The following CADPS variants were observed in gnomAD, a reference collection of about 807,000 sequenced individuals.
The protein encoded by CADPS is calcium dependent secretion activator.
A neutral mutation model predicts 167.3 loss-of-function variants in CADPS; 57 were observed. The observed-to-expected ratio is 0.34, with a 90% CI of 0.28 to 0.42. The LOEUF (loss-of-function observed/expected upper bound fraction) is 0.42. CADPS is among the 20% of genes least tolerant of loss of function. The probability of loss-of-function intolerance (pLI) is 1.00; values close to 1 mark genes in which losing one functional copy is unlikely to be tolerated. For missense variants in CADPS, 1,414 were observed against 1,738.1 expected, an observed-to-expected ratio of 0.81 and a Z score of 3.32; for synonymous variants, 676 against 635.3, an observed-to-expected ratio of 1.06 and a Z score of -0.96.
At position 62,551,898 on chromosome 3, in the gene CADPS, T is replaced by C. The variant is rs145763725; in HGVS notation, c.1754-1783A>G. Among the ~76,000 whole-genome samples the C allele has an allele frequency of 8.1e-4, 124 of 152,246 alleles. 1 individual carries two copies. Among genetic ancestry groups the C allele is most frequent in the Non-Finnish European group, 1.4e-3 (92 of 68,014 alleles). On this transcript the variant is annotated intron_variant, in intron 10 of 29. Transcript: ENST00000383710. ...TTGAGACCTTCCCTGACCTCCCTTC[T>C]TGTGACCTATCTCTTATCTTGCTTA...
intron 9 of CADPS, among the ~76,000 whole-genome samples, chr3:62,559,437 A>T (rs539831830): frequency 2.0e-5 from 3 of 152,008 alleles, no homozygotes; most frequent in African/African-American, 7.2e-5. Context: ...GGGATAACAG[A>T]TTTCCTGTGA....
chr3:62,564,511 C>T (rs2079769266), intron 9 of CADPS, among the ~76,000 whole-genome samples: 3 of 152,020 alleles, frequency 2.0e-5, no homozygotes. Flanking sequence ...ATTAGAGGAA[C>T]CACAGAATAT....
chr3:62,509,729 A>G (rs2067379663), intron 17 of CADPS, among the ~76,000 whole-genome samples: 1 of 152,196 alleles, frequency 6.6e-6, no homozygotes, highest in Non-Finnish European at 1.5e-5. Context: ...TCAATGATCC[A>G]GTTCCAGAAA....
intron 3 of CADPS, among the ~76,000 whole-genome samples, chr3:62,686,429 A>G (rs1222764235): frequency 6.6e-6 from 1 of 152,078 alleles, no homozygotes; most frequent in Non-Finnish European, 1.5e-5. Flanking sequence ...CAAATAATAG[A>G]AATACATTTA....
chr3:62,590,191 GAA>G lies in CADPS; in HGVS notation c.1437+2444_1437+2445del, dbSNP rs3074310. 4.2e-3 allele frequency among the ~76,000 whole-genome samples: 591 copies of G among 141,504 alleles called. 1 individual carries two copies. The highest frequency in any genetic ancestry group is 6.5e-3 in the East Asian group (31 of 4,752). The allele number at this position is 141,504 out of a possible 152,430, so 92.8% of individuals were successfully genotyped here. A position where few individuals can be genotyped will look rare whatever the true frequency, so the allele number is the denominator to read the frequency against. On this transcript the variant is annotated intron_variant, in intron 7 of 29. Coordinates refer to ENST00000383710, the MANE Select transcript of CADPS (RefSeq NM_003716.4). Reference sequence around the variant, plus strand: ...GCAACAGAGAGAGACTCCAGCTAAAGAAAAAAAAAAAAAAATTCCAGGGCATC... The same window carrying G: ...GCAACAGAGAGAGACTCCAGCTAAAGAAAAAAAAAAAAATTCCAGGGCATC...
intron 23 of CADPS, among the ~76,000 whole-genome samples, chr3:62,476,532 G>T (rs1321684982): frequency 3.3e-5 from 5 of 152,132 alleles, no homozygotes; most frequent in Non-Finnish European, 5.9e-5. Flanking sequence ...GCTGAGACCT[G>T]GGGAGGGTAA....
chr3:62,427,559 T>C (rs2053008724), intron 28 of CADPS, among the ~76,000 whole-genome samples: 1 of 152,118 alleles, frequency 6.6e-6, no homozygotes, highest in Admixed American at 6.5e-5. Context: ...GCTTGCTAGA[T>C]GCCAGTAACA....
intron 6 of CADPS, among the ~76,000 whole-genome samples, chr3:62,636,332 T>C (rs563919271): frequency 6.6e-6 from 1 of 152,312 alleles, no homozygotes; most frequent in Non-Finnish European, 1.5e-5. Context: ...TGAACCTTTA[T>C]TTTTCATATA....
chr3:62,582,678 C>T (rs1012994616), intron 8 of CADPS, among the ~76,000 whole-genome samples: 6 of 152,140 alleles, frequency 3.9e-5, no homozygotes, highest in Non-Finnish European at 5.9e-5. Flanking sequence ...AGGCACTCAC[C>T]GTTCACTTTT....
In CADPS at chr3:62,420,909, CACACA is replaced by C. The variant is rs1560146847; in HGVS notation, c.3777+17190_3777+17194del. Among the ~76,000 whole-genome samples the C allele has an allele frequency of 6.1e-4, 84 of 138,224 alleles. 1 individual carries two copies. Among genetic ancestry groups the C allele is most frequent in the African/African-American group, 1.2e-3 (41 of 34,662 alleles). 90.7% of individuals were successfully genotyped at this position (138,224 alleles called of 152,430 possible). On this transcript the variant is annotated intron_variant, in intron 28 of 29. Transcript: ENST00000383710. This position sits in a 1 kb window ranked among gnomAD's most constrained non-coding sequence, Gnocchi z 4.1. ...ACACACACACACACACACAGGCACA[CACACA>C]CACACTTGCCAGATCACTTACCCAA...
chr3:62,417,914 C>A (rs546075434), intron 28 of CADPS, among the ~76,000 whole-genome samples: 2 of 152,006 alleles, frequency 1.3e-5, no homozygotes, highest in Admixed American at 1.3e-4. Context: ...CCTATAGTCT[C>A]AGCTACTTGG....
intron 7 of CADPS, among the ~76,000 whole-genome samples, chr3:62,589,737 C>T (rs981281434): frequency 4.6e-5 from 7 of 152,268 alleles, no homozygotes; most frequent in East Asian, 1.9e-4. Flanking sequence ...AGAGGTCTCC[C>T]GCTTTCCATG....
At chr3:62,562,316 GC>G (rs1372557099) in intron 9 of CADPS, among the ~76,000 whole-genome samples, 3 of 152,138 alleles carry the variant, frequency 2.0e-5, no homozygotes, top group Non-Finnish European at 4.4e-5. Flanking sequence ...TGAAGTGAAG[GC>G]CATTTGGTGG....
chr3:62,465,049 C>T lies in CADPS; in HGVS notation c.3636+318G>A, dbSNP rs1231244759. 6.6e-6 allele frequency among the ~76,000 whole-genome samples: 1 copy of T among 151,956 alleles called. No homozygotes were observed. Among genetic ancestry groups the T allele is most frequent in the African/African-American group, 2.4e-5 (1 of 41,338 alleles). The stretch of plus-strand genomic sequence containing the variant: ...TATTTACAGATGAGGAAATGGTGGC[C>T]CACATTAAGTCATTTGCCAGAGCTA... On this transcript the variant is annotated intron_variant, in intron 26 of 29. Transcript: ENST00000383710. The surrounding 1 kb of genome is among the most constrained non-coding windows in gnomAD (Gnocchi z 4.1).
chr3:62,779,439 C>A, intron 1 of CADPS: 1 of 516,528 alleles, frequency 1.9e-6, no homozygotes, highest in South Asian at 1.6e-5. Flanking sequence ...TTATTCTGTT[C>A]CTCATTTTGC....
chr3:62,865,861 G>A (rs1047984982), intron 1 of CADPS, among the ~76,000 whole-genome samples: 4 of 152,084 alleles, frequency 2.6e-5, no homozygotes, highest in Non-Finnish European at 4.4e-5. Context: ...CCAAAATCCT[G>A]TAAGAGAATA....
In CADPS at chr3:62,686,400, G is replaced by A. The variant is rs530467762; in HGVS notation, c.889-24006C>T. Among the ~76,000 whole-genome samples, 3 of 152,174 alleles carry A rather than the reference G, an allele frequency of 2.0e-5. No homozygotes were observed. The East Asian group carries it at 5.8e-4, about 30-fold the overall frequency. The stretch of plus-strand genomic sequence containing the variant: ...ATGGGTCAGCTGACATCAGTGGACA[G>A]AAAGGCGTCTTTGGCCCCCAAATAA... On this transcript the variant is annotated intron_variant, in intron 3 of 29. Transcript: ENST00000383710.
chr3:62,824,339 T>C (rs931476011), intron 1 of CADPS, among the ~76,000 whole-genome samples: 14 of 152,188 alleles, frequency 9.2e-5, no homozygotes, highest in African/African-American at 3.1e-4. Flanking sequence ...TTAAACTTTG[T>C]GGCAGCAACA....
At chr3:62,547,352 A>T (rs62243509) in intron 11 of CADPS, among the ~76,000 whole-genome samples, 5,764 of 152,186 alleles carry the variant, frequency 0.038, 125 homozygotes, top group Non-Finnish European at 0.048. Context: ...TGTTTCCTGT[A>T]TTACACAGTC....
Sources: gnomAD v4.1 joint callset for allele counts (sites outside exome capture counted in the v4.1 genomes callset) on GRCh38, gnomAD v4.1.1 for gene constraint, Gnocchi (gnomAD v3.1) non-coding constraint, MANE v1.5 for transcripts, NCBI Gene and HGNC (gene_info 2026-07-23, HGNC 2026-07-21) for gene names.